Variants in NRG3 observed in about 807,000 individuals in gnomAD.
NRG3 encodes neuregulin 3, also known as pro-neuregulin-3, membrane-bound isoform.
Under a neutral mutation model 66.9 loss-of-function variants are expected in NRG3, and 31 were observed. The observed-to-expected ratio is 0.46, with a 90% CI of 0.35 to 0.63. The LOEUF (loss-of-function observed/expected upper bound fraction) is 0.63, where lower values mean the gene tolerates loss of function less well. Among genes scored for constraint, NRG3 ranks in the 20% least tolerant of loss-of-function variants. The pLI, the probability that NRG3 is intolerant of heterozygous loss-of-function variation, is 0.00. For missense variants in NRG3, 910 were observed against 878.9 expected, an observed-to-expected ratio of 1.04 and a Z score of -0.45; for synonymous variants, 393 against 359.4, an observed-to-expected ratio of 1.09 and a Z score of -1.06.
At chr10:82,516,656 A>G (rs1158810874) in intron 2 of NRG3, among the ~76,000 whole-genome samples, 2 of 152,170 alleles carry the variant, frequency 1.3e-5, no homozygotes, top group African/African-American at 4.8e-5. Context: ...TTAATAAACA[A>G]TTTCACCTTT....
chr10:81,983,949 A>G (rs1238489143), intron 1 of NRG3, among the ~76,000 whole-genome samples: 1 of 152,176 alleles, frequency 6.6e-6, no homozygotes, highest in Non-Finnish European at 1.5e-5. Context: ...AACTGCTATA[A>G]TCACAGTTGT....
Position 82,104,364 on chromosome 10 carries a change from T to C in NRG3, c.823+228201T>C, listed in dbSNP as rs1034281190. 2.6e-5 allele frequency among the ~76,000 whole-genome samples: 4 copies of C among 152,258 alleles called. No homozygotes were observed. The East Asian group carries it at 5.8e-4, about 22-fold the overall frequency. On this transcript the variant is annotated intron_variant, in intron 1 of 8. Transcript: ENST00000372141. ...CTGTCATCTCTATTTCAACAGATTG[T>C]TCTTAAAAAGGAGAAAATATCTACA...
At chr10:82,973,340 A>G (rs2132584682) in intron 6 of NRG3, among the ~76,000 whole-genome samples, 1 of 152,344 alleles carries the variant, frequency 6.6e-6, no homozygotes, top group South Asian at 2.1e-4. Flanking sequence ...TGGTGGCCAG[A>G]TATTCTGAAC....
At chr10:82,234,253 T>C (rs952852769) in intron 1 of NRG3, among the ~76,000 whole-genome samples, 1 of 152,226 alleles carries the variant, frequency 6.6e-6, no homozygotes, top group Admixed American at 6.5e-5. Context: ...TTTATCAGTT[T>C]CTGGAACGTG....
chr10:82,514,773 G>C (rs572314447), intron 2 of NRG3, among the ~76,000 whole-genome samples: 2 of 152,202 alleles, frequency 1.3e-5, no homozygotes, highest in African/African-American at 4.8e-5. Flanking sequence ...GTAGTTTAAT[G>C]GGAATAGCAT....
chr10:82,632,695 G>C (rs2049924683), intron 2 of NRG3, among the ~76,000 whole-genome samples: 1 of 152,050 alleles, frequency 6.6e-6, no homozygotes, highest in African/African-American at 2.4e-5. Flanking sequence ...CATGTTTTAG[G>C]TACCCCAAAA....
intron 1 of NRG3, among the ~76,000 whole-genome samples, chr10:82,326,952 C>T (rs2081903966): frequency 6.6e-6 from 1 of 152,104 alleles, no homozygotes; most frequent in South Asian, 2.1e-4. Flanking sequence ...AGAAAGACAG[C>T]TTAGTATATT....
At chr10:82,024,109 A>AT (rs2062185739) in intron 1 of NRG3, among the ~76,000 whole-genome samples, 1 of 151,834 alleles carries the variant, frequency 6.6e-6, no homozygotes, top group African/African-American at 2.4e-5. Flanking sequence ...ATTTATCCAC[A>AT]TTTTTTTAGG....
chr10:82,468,923 GA>G (rs897527815), intron 2 of NRG3, among the ~76,000 whole-genome samples: 3 of 151,876 alleles, frequency 2.0e-5, no homozygotes, highest in African/African-American at 7.3e-5. Flanking sequence ...GACAATGGGA[GA>G]AAAAAACAAA....
chr10:82,327,980 T>A (rs943406986), intron 1 of NRG3, among the ~76,000 whole-genome samples: 39 of 152,316 alleles, frequency 2.6e-4, no homozygotes, highest in Middle Eastern at 3.4e-3. Flanking sequence ...GGACCTCTTC[T>A]TAGGATCTCA....
At chr10:82,163,462 G>A (rs1299802435) in intron 1 of NRG3, among the ~76,000 whole-genome samples, 5 of 152,148 alleles carry the variant, frequency 3.3e-5, no homozygotes, top group African/African-American at 9.7e-5. Context: ...CTACAATATT[G>A]TAAATATTTA....
At chr10:82,135,339 T>C (rs2069255797) in intron 1 of NRG3, among the ~76,000 whole-genome samples, 1 of 152,080 alleles carries the variant, frequency 6.6e-6, no homozygotes, top group Admixed American at 6.6e-5. Context: ...CTAAATCTGC[T>C]TGGCATGCTG....
intron 3 of NRG3, among the ~76,000 whole-genome samples, chr10:82,740,761 T>C (rs577280431): frequency 5.8e-4 from 85 of 147,404 alleles, no homozygotes; most frequent in Non-Finnish European, 1.1e-3. Context: ...GGAGGCAAAG[T>C]TGAAGTGAGC....
intron 2 of NRG3, among the ~76,000 whole-genome samples, chr10:82,401,597 TAG>T (rs1163184527): frequency 6.6e-6 from 1 of 152,096 alleles, no homozygotes; most frequent in Non-Finnish European, 1.5e-5. Context: ...ATAGGACACT[TAG>T]AGTAGCTTAT....
intron 1 of NRG3, among the ~76,000 whole-genome samples, chr10:82,048,015 A>G (rs938046235): frequency 1.1e-4 from 16 of 151,398 alleles, no homozygotes; most frequent in African/African-American, 3.1e-4. Flanking sequence ...CCATTACATA[A>G]TGGTAAAGGG....
chr10:82,855,103 G>A (rs955086129), intron 3 of NRG3, among the ~76,000 whole-genome samples: 7 of 152,052 alleles, frequency 4.6e-5, no homozygotes, highest in East Asian at 3.9e-4. Flanking sequence ...TGTCTTTGGC[G>A]TTTCTTTAGT....
chr10:82,659,981 A>C (rs897013418), intron 2 of NRG3, among the ~76,000 whole-genome samples: 1 of 151,844 alleles, frequency 6.6e-6, no homozygotes, highest in Non-Finnish European at 1.5e-5. Context: ...AAATCGCCTG[A>C]GGTCAGGAGT....
rs569574125 is a variant in NRG3 at position 82,751,740 on chromosome 10, A to G, written c.1027+13090A>G. Among the ~76,000 whole-genome samples, 31 of 152,266 alleles carry G rather than the reference A, an allele frequency of 2.0e-4. No homozygotes were observed. The South Asian group carries it at 6.0e-3, about 29-fold the overall frequency. On this transcript the variant is annotated intron_variant, in intron 3 of 8. Coordinates refer to ENST00000372141, the MANE Select transcript of NRG3 (RefSeq NM_001010848.4). ...TAGATGAAGAACATCATCAAGACTTATTGTAAGATATAAGAAGAACTAAAT... is the reference window on the plus strand; with the variant it reads ...TAGATGAAGAACATCATCAAGACTTGTTGTAAGATATAAGAAGAACTAAAT...
intron 2 of NRG3, 80 bp downstream of exon 2, chr10:82,358,948 T>C: frequency 6.3e-7 from 1 of 1,591,780 alleles, no homozygotes. Context: ...GCATCTGGTA[T>C]GTGTCATATC....
Sources: gnomAD v4.1 joint callset for allele counts (sites outside exome capture counted in the v4.1 genomes callset) on GRCh38, gnomAD v4.1.1 for gene constraint, MANE v1.5 for transcripts, NCBI Gene and HGNC (gene_info 2026-07-23, HGNC 2026-07-21) for gene names.